SBF2: variants seen among roughly 807,000 people sequenced by gnomAD.
SBF2 encodes SET binding factor 2.
In SBF2, 112 loss-of-function variants were observed where a neutral mutation model predicts 225.2. The ratio of observed to expected loss-of-function variants is 0.50; its 90% CI spans 0.43 to 0.58. SBF2 has a LOEUF of 0.58. SBF2 is among the 20% of genes least tolerant of loss of function. SBF2 has a pLI of 0.00. For synonymous variants in SBF2, 763 were observed against 773.3 expected (o/e 0.99, Z 0.22); for missense variants, 1,996 against 2,206.2 (o/e 0.90, Z 1.91).
Position 9,812,654 on chromosome 11 carries a change from C to G in SBF2, c.4033G>C (p.Glu1345Gln). 1 of 1,614,208 alleles carries G rather than the reference C, an allele frequency of 6.2e-7. No individual in the cohort carries two copies. The highest frequency in any genetic ancestry group is 1.1e-5 in the South Asian group (1 of 91,088). The change falls in exon 30 of 40, where the codon GAA (glutamate) becomes CAA (glutamine). Residue 1345 changes from glutamate to glutamine, a missense_variant. Physicochemically the swap from Glu to Gln is conservative, Grantham distance 29. Coordinates refer to ENST00000256190, the MANE Select transcript of SBF2 (RefSeq NM_030962.4). ...AAACTGGCTTTCACTTGCCGGATTT[C>G]ATGAAATTCAACAGGAACAAACTCA... ...NCEFVPVEFH[E>Q]IRQVKASFKK...
chr11:9,912,138 A>T (rs182202324), intron 16 of SBF2, among the ~76,000 whole-genome samples: 1 of 151,316 alleles, frequency 6.6e-6, no homozygotes. Flanking sequence ...AACATGGTGA[A>T]ACCCCATCTC....
chr11:10,001,053 AT>A (rs754741216), intron 7 of SBF2, 31 bp from the exon 8 acceptor site: 9 of 1,161,750 alleles, frequency 7.7e-6, no homozygotes, highest in South Asian at 6.2e-5. Context: ...CGTCAAATAT[AT>A]TTTTCTTTAA....
At chr11:9,794,703 A>AAAAAAAAAAAAAAAC (rs1852999171) in intron 33 of SBF2, among the ~76,000 whole-genome samples, 1 of 146,150 alleles carries the variant, frequency 6.8e-6, no homozygotes, top group Non-Finnish European at 1.5e-5. Context: ...AAAAAAAAAA[A>AAAAAAAAAAAAAAAC]AAAAGACCAG....
At chr11:10,215,021 C>A (rs16907586) in intron 1 of SBF2, among the ~76,000 whole-genome samples, 2,289 of 152,264 alleles carry the variant, frequency 0.015, 54 homozygotes, top group African/African-American at 0.051. Flanking sequence ...AAAGCTGGTA[C>A]CATCAGTGTA....
chr11:9,876,830 C>G (rs1001598945), intron 17 of SBF2, among the ~76,000 whole-genome samples: 7 of 152,172 alleles, frequency 4.6e-5, no homozygotes, highest in African/African-American at 1.7e-4. Context: ...ACCTCTGCCT[C>G]CTTGGTTCAA....
At chr11:10,292,287 G>C (rs1964205548) in intron 1 of SBF2, among the ~76,000 whole-genome samples, 1 of 152,156 alleles carries the variant, frequency 6.6e-6, no homozygotes, top group Non-Finnish European at 1.5e-5. Flanking sequence ...AAGTATTCTG[G>C]GATGACAGGG....
At chr11:10,054,338 A>C (rs1177778386) in intron 2 of SBF2, among the ~76,000 whole-genome samples, 1 of 152,226 alleles carries the variant, frequency 6.6e-6, no homozygotes, top group Admixed American at 6.5e-5. Flanking sequence ...ACAAACATAC[A>C]CAAATCAAAA....
chr11:10,020,389 A>C (rs567460470), intron 6 of SBF2, among the ~76,000 whole-genome samples: 5 of 152,280 alleles, frequency 3.3e-5, no homozygotes, highest in African/African-American at 1.2e-4. Context: ...CTGTGTATGC[A>C]GAGAGCCTAC....
chr11:9,944,457 G>A (rs1865452365), intron 16 of SBF2, among the ~76,000 whole-genome samples: 1 of 152,148 alleles, frequency 6.6e-6, no homozygotes, highest in Non-Finnish European at 1.5e-5. Context: ...TGCAGAATGG[G>A]TAGTGATTAG....
At chr11:9,863,263 G>C (rs1857909934) in intron 17 of SBF2, among the ~76,000 whole-genome samples, 1 of 152,172 alleles carries the variant, frequency 6.6e-6, no homozygotes, top group Non-Finnish European at 1.5e-5. Context: ...AGATGAGATG[G>C]TTAAGGGAAA....
At chr11:10,203,542 A>G (rs1156548928) in intron 1 of SBF2, among the ~76,000 whole-genome samples, 1 of 152,242 alleles carries the variant, frequency 6.6e-6, no homozygotes, top group Non-Finnish European at 1.5e-5. Flanking sequence ...ATATCCAGCA[A>G]TCAAGAGAGT....
intron 29 of SBF2, among the ~76,000 whole-genome samples, chr11:9,813,160 G>A (rs1438447540): frequency 6.6e-6 from 1 of 152,188 alleles, no homozygotes. Flanking sequence ...GTAACACACT[G>A]TTGGAGTTCC....
At chr11:9,840,042 GA>G (rs1289598064) in intron 25 of SBF2, among the ~76,000 whole-genome samples, 1 of 152,128 alleles carries the variant, frequency 6.6e-6, no homozygotes, top group Non-Finnish European at 1.5e-5. Flanking sequence ...AGAGCAGCCT[GA>G]CCAACATGGT....
intron 14 of SBF2, among the ~76,000 whole-genome samples, chr11:9,966,275 A>G (rs540604785): frequency 7.2e-5 from 11 of 152,102 alleles, no homozygotes; most frequent in Non-Finnish European, 1.5e-4. Flanking sequence ...TTTTTAGTAG[A>G]GATGGAGTTT....
At chr11:9,893,069 TTAA>T (rs1356871607) in intron 17 of SBF2, among the ~76,000 whole-genome samples, 3 of 152,124 alleles carry the variant, frequency 2.0e-5, no homozygotes, top group Non-Finnish European at 4.4e-5. Context: ...CTGAAAAAAA[TTAA>T]TAATGTTATT....
At chr11:9,927,733 A>C (rs1864163659) in intron 16 of SBF2, among the ~76,000 whole-genome samples, 1 of 152,220 alleles carries the variant, frequency 6.6e-6, no homozygotes, top group Non-Finnish European at 1.5e-5. Context: ...TACCACATCA[A>C]TTATTTGATT....
chr11:9,910,380 T>A (rs1862499563), intron 16 of SBF2, among the ~76,000 whole-genome samples: 1 of 152,202 alleles, frequency 6.6e-6, no homozygotes, highest in African/African-American at 2.4e-5. Flanking sequence ...CAGTACATAA[T>A]ACTGAATGAT....
At chr11:9,898,820 T>C (rs1861483832) in intron 16 of SBF2, among the ~76,000 whole-genome samples, 1 of 152,048 alleles carries the variant, frequency 6.6e-6, no homozygotes, top group African/African-American at 2.4e-5. Context: ...ATTCATCCTA[T>C]TGAATAAACA....
At chr11:10,006,156 C>T (rs191667473) in intron 6 of SBF2, among the ~76,000 whole-genome samples, 7 of 152,306 alleles carry the variant, frequency 4.6e-5, no homozygotes, top group South Asian at 4.1e-4. Flanking sequence ...GTACACCCTC[C>T]GGACCGTCCA....
Sources: gnomAD v4.1 joint callset for allele counts (sites outside exome capture counted in the v4.1 genomes callset) on GRCh38, gnomAD v4.1.1 for gene constraint, MANE v1.5 for transcripts, NCBI Gene and HGNC (gene_info 2026-07-23, HGNC 2026-07-21) for gene names.